The following ANXA4 variants were observed in gnomAD, a reference collection of about 807,000 sequenced individuals.
ANXA4 encodes annexin A4.
Under a neutral mutation model 49.8 loss-of-function variants are expected in ANXA4, and 39 were observed. The ratio of observed to expected loss-of-function variants is 0.78; its 90% CI spans 0.61 to 1.02. ANXA4 has a LOEUF of 1.02. ANXA4 is among the 50% of genes least tolerant of loss of function. The probability of loss-of-function intolerance (pLI) is 0.00; values close to 1 mark genes in which losing one functional copy is unlikely to be tolerated. For synonymous variants in ANXA4, 134 were observed against 152.5 expected (o/e 0.88, Z 0.89); for missense variants, 360 against 410.1 (o/e 0.88, Z 1.05).
At chr2:69,670,628 A>G (rs1677141752) in intron 2 of ANXA4, among the ~76,000 whole-genome samples, 1 of 152,064 alleles carries the variant, frequency 6.6e-6, no homozygotes, top group South Asian at 2.1e-4. Flanking sequence ...ATAAATGGAG[A>G]CCTGATAGAT....
intron 8 of ANXA4, chr2:69,815,693 A>G (rs1673957324): frequency 1.1e-5 from 2 of 189,662 alleles, no homozygotes; most frequent in African/African-American, 4.6e-5. Flanking sequence ...ACTACCGGCT[A>G]CCTGTAGCCG....
intron 3 of ANXA4, among the ~76,000 whole-genome samples, chr2:69,794,695 T>G (rs1264119274): frequency 6.6e-6 from 1 of 152,182 alleles, no homozygotes; most frequent in Non-Finnish European, 1.5e-5. Flanking sequence ...CCCGAGTAGC[T>G]GGGACTACAG....
At chr2:69,769,421 G>T (rs1398512683) in intron 1 of ANXA4, among the ~76,000 whole-genome samples, 2 of 152,184 alleles carry the variant, frequency 1.3e-5, no homozygotes, top group Non-Finnish European at 2.9e-5. Context: ...TCCCAGTCTG[G>T]CCTCATGCTA....
intron 3 of ANXA4, among the ~76,000 whole-genome samples, chr2:69,730,660 G>A (rs952264996): frequency 6.6e-6 from 1 of 152,166 alleles, no homozygotes; most frequent in Non-Finnish European, 1.5e-5. Context: ...GCGACTTGGA[G>A]GTAAAAGAGA....
chr2:69,697,881 A>G (rs1678207612), intron 2 of ANXA4, among the ~76,000 whole-genome samples: 1 of 150,838 alleles, frequency 6.6e-6, no homozygotes. Context: ...AAAGTGGTTC[A>G]TTCCTATAAC....
At chr2:69,801,722 A>G (rs1016285779) in intron 3 of ANXA4, among the ~76,000 whole-genome samples, 2 of 152,142 alleles carry the variant, frequency 1.3e-5, no homozygotes, top group African/African-American at 4.8e-5. Context: ...CTATCTGCTT[A>G]AACAATTTCT....
At chr2:69,704,889 C>A (rs950190928) in intron 2 of ANXA4, among the ~76,000 whole-genome samples, 16 of 152,094 alleles carry the variant, frequency 1.1e-4, no homozygotes, top group Admixed American at 5.2e-4. Flanking sequence ...TATTTGATAT[C>A]ATTTAAATTA....
chr2:69,658,895 A>G (rs1254947578), intron 2 of ANXA4, among the ~76,000 whole-genome samples: 2 of 152,040 alleles, frequency 1.3e-5, no homozygotes, highest in African/African-American at 2.4e-5. Flanking sequence ...ACGGGGTTTC[A>G]CCATGTTGGT....
intron 2 of ANXA4, among the ~76,000 whole-genome samples, chr2:69,662,992 CTTTTTTT>C (rs746269236): frequency 2.4e-5 from 3 of 123,200 alleles, no homozygotes; most frequent in African/African-American, 8.7e-5. Context: ...TTTTCTTTTT[CTTTTTTT>C]TTTTTTTTTT....
At chr2:69,784,411 C>T (rs1289421641) in intron 2 of ANXA4, among the ~76,000 whole-genome samples, 1 of 152,146 alleles carries the variant, frequency 6.6e-6, no homozygotes, top group Non-Finnish European at 1.5e-5. Context: ...GTTTGAGTGC[C>T]ATCCAAAAAT....
intron 2 of ANXA4, among the ~76,000 whole-genome samples, chr2:69,782,774 A>G (rs573830960): frequency 1.3e-5 from 2 of 152,358 alleles, no homozygotes; most frequent in East Asian, 1.9e-4. Context: ...CAGCTTTCCT[A>G]CAAATGAAGA....
rs369138545 is a variant in ANXA4 at position 69,722,980 on chromosome 2, G to T, written n.864+2109G>T. 5.7e-4 allele frequency among the ~76,000 whole-genome samples: 85 copies of T among 150,298 alleles called. No individual in the cohort carries two copies. In the South Asian group the frequency reaches 0.017, roughly 30 times the overall value. ...GAGGTCAGGAGATCAAGACCATTCT[G>T]GCTAACATGATGAAACTCCATCTCT... On this transcript the variant is annotated intron_variant and non_coding_transcript_variant, in intron 3 of 3. Transcript: ENST00000418066.
chr2:69,810,726 C>T (rs1267813555), intron 7 of ANXA4, 53 bp downstream of exon 7: 1 of 1,441,194 alleles, frequency 6.9e-7, no homozygotes, highest in Non-Finnish European at 9.8e-7. Flanking sequence ...TCCACTCTAT[C>T]CCCTTTGCCA....
In ANXA4 at chr2:69,815,877, A is replaced by G. The variant is rs1301455241; in HGVS notation, c.535-224A>G. The G allele has an allele frequency of 5.8e-6, 3 of 514,472 alleles. No individual in the cohort carries two copies. In the Admixed American group the frequency reaches 9.4e-5, roughly 16 times the overall value. The allele number at this position is 514,472 out of a possible 1,614,324, so 31.9% of individuals were successfully genotyped here. A position where few individuals can be genotyped will look rare whatever the true frequency, so the allele number is the denominator to read the frequency against. On this transcript the variant is annotated intron_variant, in intron 8 of 12. Transcript: ENST00000394295. ...GAACCATGTAGTCTCCAGCTAGGGA[A>G]CTGCTAGTGTTTGCCCTGACTCCCA...
At chr2:69,655,491 C>T (rs1170711516) in intron 2 of ANXA4, among the ~76,000 whole-genome samples, 1 of 152,114 alleles carries the variant, frequency 6.6e-6, no homozygotes, top group Non-Finnish European at 1.5e-5. Context: ...CCATCTCATG[C>T]CAGTTAGAAT....
chr2:69,807,995 G>A lies in ANXA4; in HGVS notation c.396G>A (p.Gln132=). 1 of 1,614,040 alleles carries A rather than the reference G, an allele frequency of 6.2e-7. No homozygotes were observed. Among genetic ancestry groups the A allele is most frequent in the East Asian group, 2.2e-5 (1 of 44,882 alleles). Residue 132 remains glutamine (Q), a splice_region_variant and synonymous_variant, in exon 6 of 13, where the codon CAG becomes CAA. Coordinates refer to ENST00000394295, the MANE Select transcript of ANXA4 (RefSeq NM_001153.5). ...GGCGCATAAGCCAAACCTACCAGCA[G>A]CGTACGTGACATCCGCAGTGGCCCT... The part of the protein sequence containing the change: ...EIRRISQTYQ[Q]QYGRSLEDDI...
upstream of ANXA4, chr2:69,643,962 T>G (rs1338612818): frequency 9.9e-7 from 1 of 1,006,320 alleles, no homozygotes; most frequent in Non-Finnish European, 1.2e-6. Context: ...ACTGTTGATA[T>G]CACCCGAGCC....
intron 2 of ANXA4, among the ~76,000 whole-genome samples, chr2:69,656,909 C>T (rs1034024878): frequency 6.6e-5 from 10 of 151,996 alleles, no homozygotes; most frequent in African/African-American, 2.4e-4. Context: ...AATCTACAGC[C>T]TTTCAGCTGG....
intron 2 of ANXA4, among the ~76,000 whole-genome samples, chr2:69,659,444 T>G (rs989446848): frequency 6.6e-6 from 1 of 152,250 alleles, no homozygotes; most frequent in African/African-American, 2.4e-5. Context: ...TATTTGTTTA[T>G]TATCTCTTCT....
Sources: gnomAD v4.1 joint callset for allele counts (sites outside exome capture counted in the v4.1 genomes callset) on GRCh38, gnomAD v4.1.1 for gene constraint, MANE v1.5 for transcripts, NCBI Gene and HGNC (gene_info 2026-07-23, HGNC 2026-07-21) for gene names.